The following TGIF1 variants were observed in gnomAD, a reference collection of about 807,000 sequenced individuals.
TGIF1 encodes homeobox protein TGIF1.
A neutral mutation model predicts 19.3 loss-of-function variants in TGIF1; 4 were observed. The observed-to-expected ratio is 0.21, with a 90% confidence interval of 0.10 to 0.47. The LOEUF is 0.47. Ranked by LOEUF, TGIF1 falls within the 20% of genes least tolerant of loss-of-function variation. The probability of loss-of-function intolerance (pLI) is 0.98; values close to 1 mark genes in which losing one functional copy is unlikely to be tolerated. For missense variants in TGIF1, 275 were observed against 341.4 expected, an observed-to-expected ratio of 0.81 and a Z score of 1.53; for synonymous variants, 122 against 129.3, an observed-to-expected ratio of 0.94 and a Z score of 0.38.
chr18:3,423,057 T>C (rs2082426660), intron 2 of TGIF1, among the ~76,000 whole-genome samples: 1 of 152,130 alleles, frequency 6.6e-6, no homozygotes, highest in Non-Finnish European at 1.5e-5. Context: ...TACTTACCAT[T>C]GTGTTGCAAT....
chr18:3,446,243 G>C (rs1203449194), upstream of TGIF1, among the ~76,000 whole-genome samples: 3 of 152,150 alleles, frequency 2.0e-5, no homozygotes, highest in Non-Finnish European at 4.4e-5. Context: ...GAGTGCAATG[G>C]CACGATCTCA....
At chr18:3,450,919 G>A (rs1431513676) in intron 1 of TGIF1, among the ~76,000 whole-genome samples, 2 of 152,108 alleles carry the variant, frequency 1.3e-5, no homozygotes, top group Non-Finnish European at 2.9e-5. Context: ...GGCGGCCGGG[G>A]CCGCGGGACC....
upstream of TGIF1, among the ~76,000 whole-genome samples, chr18:3,445,378 CACTT>C (rs1407645431): frequency 2.6e-5 from 4 of 152,090 alleles, no homozygotes; most frequent in Non-Finnish European, 5.9e-5. Flanking sequence ...GGCCATGTCT[CACTT>C]AGTATATTCT....
intron 1 of TGIF1, among the ~76,000 whole-genome samples, chr18:3,413,239 A>G (rs1319521502): frequency 6.6e-6 from 1 of 152,226 alleles, no homozygotes; most frequent in East Asian, 1.9e-4. Flanking sequence ...AAATTCACGG[A>G]ACTGTTTTTA....
chr18:3,427,606 T>C (rs2082489354), intron 2 of TGIF1, among the ~76,000 whole-genome samples: 1 of 151,040 alleles, frequency 6.6e-6, no homozygotes, highest in African/African-American at 2.4e-5. Flanking sequence ...TATATTCTTT[T>C]TTTTTTTTTT....
Position 3,457,182 on chromosome 18 carries a change from G to T in TGIF1, c.244-183G>T. 5.6e-6 allele frequency: 4 copies of T among 711,530 alleles called. No individual in the cohort carries two copies. The South Asian group carries it at 7.1e-5, about 13-fold the overall frequency. 44.1% of individuals were successfully genotyped at this position (711,530 alleles called of 1,614,324 possible). A position where few individuals can be genotyped will look rare whatever the true frequency, so the allele number is the denominator to read the frequency against. On this transcript the variant is annotated intron_variant, in intron 2 of 2. Coordinates refer to ENST00000343820, the MANE Select transcript of TGIF1 (RefSeq NM_003244.4). This position sits in a 1 kb window ranked among gnomAD's most constrained non-coding sequence, Gnocchi z 4.9. ...ATTAGAAACTAGAAGGCTTATGACA[G>T]GTGGTAGCTTGCTTTCTTGGCGGAG...
intron 2 of TGIF1, among the ~76,000 whole-genome samples, chr18:3,439,427 A>C (rs557766905): frequency 6.6e-6 from 1 of 151,052 alleles, no homozygotes; most frequent in Admixed American, 6.6e-5. Context: ...GCTCACCGCA[A>C]CCTCCTCCCA....
intron 1 of TGIF1, chr18:3,412,719 C>T (rs2082286510): frequency 6.6e-6 from 1 of 152,280 alleles, no homozygotes; most frequent in African/African-American, 2.4e-5. Context: ...GCATTCCGGC[C>T]TTTGCCGTTG....
chr18:3,446,295 T>C (rs1054602555), upstream of TGIF1, among the ~76,000 whole-genome samples: 15 of 152,238 alleles, frequency 9.9e-5, no homozygotes, highest in Admixed American at 2.0e-4. Context: ...GCAACCCTCC[T>C]GTCTCAGCCT....
chr18:3,447,667 C>T, upstream of TGIF1: 2 of 1,577,954 alleles, frequency 1.3e-6, no homozygotes, highest in Non-Finnish European at 1.7e-6. Context: ...GGGCTGTAAG[C>T]TTTCGCTACA....
At chr18:3,423,472 C>T (rs146828374) in intron 2 of TGIF1, among the ~76,000 whole-genome samples, 1 of 151,898 alleles carries the variant, frequency 6.6e-6, no homozygotes, top group Non-Finnish European at 1.5e-5. Flanking sequence ...GAGGTCAGGA[C>T]ATCGAGACCT....
rs372737398 is a variant in TGIF1, at chr18:3,457,617, G to A, written c.496G>A (p.Val166Ile). The change falls in exon 3 of 3, where the codon GTT becomes ATT. Residue 166 changes from valine (V) to isoleucine (I), a missense_variant. By Grantham distance (29) the Val-to-Ile change is conservative. Transcript: ENST00000343820. The surrounding 1 kb of genome is among the most constrained non-coding windows in gnomAD (Gnocchi z 4.9). ...TCCTAAGCCGTCATCCCCGGGATCAGTTTTGGCTCGTCCATCAGTGATCTG... is the reference window on the plus strand; with the variant it reads ...TCCTAAGCCGTCATCCCCGGGATCAATTTTGGCTCGTCCATCAGTGATCTG... ...LSPKPSSPGS[V>I]LARPSVICHT... is the part of the protein sequence containing the mutation. 24 of 1,614,102 alleles carry A rather than the reference G, an allele frequency of 1.5e-5. No individual in the cohort carries two copies. In the African/African-American group the frequency reaches 2.9e-4, roughly 20 times the overall value.
In TGIF1 at chr18:3,456,227, C is replaced by T. The variant is rs1385965933; in HGVS notation, c.17-127C>T. 3 of 944,184 alleles carry T rather than the reference C, an allele frequency of 3.2e-6. No homozygotes were observed. The highest frequency in any genetic ancestry group is 5.2e-6 in the Non-Finnish European group (3 of 577,342). 58.5% of individuals were successfully genotyped at this position (944,184 alleles called of 1,614,324 possible). A position where few individuals can be genotyped will look rare whatever the true frequency, so the allele number is the denominator to read the frequency against. On this transcript the variant is annotated intron_variant, in intron 1 of 2. Coordinates refer to ENST00000343820, the MANE Select transcript of TGIF1 (RefSeq NM_003244.4). The surrounding 1 kb of genome is among the most constrained non-coding windows in gnomAD (Gnocchi z 4.2). ...GACCCTGAATTCAGGACAGAAAACA[C>T]TGCTCCTTCTCCTCGCTCTCAGTTG...
chr18:3,451,625 T>G lies in TGIF1; in HGVS notation c.16+1120T>G. The G allele has an allele frequency of 1.8e-6, 2 of 1,094,298 alleles. No individual in the cohort carries two copies. Among genetic ancestry groups the G allele is most frequent in the Non-Finnish European group, 2.2e-6 (2 of 900,948 alleles). The allele number at this position is 1,094,298 out of a possible 1,614,324, so 67.8% of individuals were successfully genotyped here. ...TTCAGACCCGGCCCGCTGCGGGGCG[T>G]TCCTGGGGGGTAGCCTCAAGGCCAG... On this transcript the variant is annotated intron_variant, in intron 1 of 2. Transcript: ENST00000343820. The surrounding 1 kb of genome is among the most constrained non-coding windows in gnomAD (Gnocchi z 5.4).
At chr18:3,447,660 C>T, upstream of TGIF1, 1 of 1,540,848 alleles carries the variant, frequency 6.5e-7, no homozygotes, top group Admixed American at 1.7e-5. Context: ...AGCGGTTGGG[C>T]TGTAAGCTTT....
intron 2 of TGIF1, among the ~76,000 whole-genome samples, chr18:3,422,383 A>T (rs986344505): frequency 6.6e-6 from 1 of 151,198 alleles, no homozygotes; most frequent in African/African-American, 2.4e-5. Context: ...ATAGAGCTGT[A>T]CAGTGTGCTT....
Position 3,431,518 on chromosome 18 carries a change from A to G in TGIF1, c.-45+13303A>G, listed in dbSNP as rs189330820. ...AATAATAGTAATGGATTTTTAACCT[A>G]GTGAATAAAGTAGGGCTCCACAAAT... On this transcript the variant is annotated intron_variant, in intron 2 of 3. Coordinates refer to the TGIF1 transcript ENST00000401449. Among the ~76,000 whole-genome samples, 560 of 152,254 alleles carry G rather than the reference A, an allele frequency of 3.7e-3. 5 individuals carry two copies. Among genetic ancestry groups the G allele is most frequent in the African/African-American group, 0.013 (540 of 41,576 alleles).
chr18:3,441,369 T>C (rs2082676261), intron 2 of TGIF1, among the ~76,000 whole-genome samples: 1 of 152,254 alleles, frequency 6.6e-6, no homozygotes, highest in African/African-American at 2.4e-5. Flanking sequence ...TCCAAGATCA[T>C]ACATTTACTC....
chr18:3,452,287 G>C lies in TGIF1; in HGVS notation c.16+1782G>C, dbSNP rs764252611. 3.1e-6 allele frequency: 5 copies of C among 1,610,910 alleles called. No individual in the cohort carries two copies. In the African/African-American group the frequency reaches 6.7e-5, roughly 22 times the overall value. ...TCCCCGGAGCTGGGGACCAAGGCTGGGCCCCGCCGGCCGCATCGGTGGGAA... is the reference window on the plus strand; with the variant it reads ...TCCCCGGAGCTGGGGACCAAGGCTGCGCCCCGCCGGCCGCATCGGTGGGAA... On this transcript the variant is annotated intron_variant, in intron 1 of 2. Transcript: ENST00000343820.
Sources: allele counts gnomAD v4.1 joint callset (sites outside exome capture counted in the v4.1 genomes callset), GRCh38; gene constraint gnomAD v4.1.1; non-coding constraint Gnocchi (gnomAD v3.1); transcripts MANE v1.5; gene names NCBI Gene and HGNC (gene_info 2026-07-23, HGNC 2026-07-21).